Variants in WNK1 observed in about 807,000 individuals in gnomAD.
The protein encoded by WNK1 is serine/threonine-protein kinase WNK1.
A neutral mutation model predicts 222.8 loss-of-function variants in WNK1; 38 were observed. The ratio of observed to expected loss-of-function variants is 0.17; its 90% CI spans 0.13 to 0.22. The LOEUF (loss-of-function observed/expected upper bound fraction) is 0.22, where lower values mean the gene tolerates loss of function less well. Ranked by LOEUF, WNK1 falls within the 10% of genes least tolerant of loss-of-function variation. WNK1 has a pLI of 1.00. For synonymous variants in WNK1, 1,090 were observed against 1,092.9 expected, an observed-to-expected ratio of 1.00 and a Z score of 0.05; for missense variants, 2,348 against 2,918.4, an observed-to-expected ratio of 0.80 and a Z score of 4.50.
chr12:805,248 C>T (rs1397469135), intron 1 of WNK1, among the ~76,000 whole-genome samples: 3 of 152,100 alleles, frequency 2.0e-5, no homozygotes, highest in African/African-American at 2.4e-5. Flanking sequence ...CAGCAGTGCA[C>T]GAGGATTTCA....
intron 2 of WNK1, among the ~76,000 whole-genome samples, chr12:824,129 A>G (rs1365884667): frequency 6.7e-6 from 1 of 148,754 alleles, no homozygotes; most frequent in Non-Finnish European, 1.5e-5. Flanking sequence ...CTGGTCTTGA[A>G]CTCCTGACCT....
intron 1 of WNK1, among the ~76,000 whole-genome samples, chr12:800,413 C>T (rs1170330066): frequency 6.6e-6 from 1 of 151,826 alleles, no homozygotes; most frequent in Non-Finnish European, 1.5e-5. Flanking sequence ...GGTTTTTTTG[C>T]TATATGGGTG....
chr12:817,800 A>T (rs1012153613), intron 2 of WNK1, among the ~76,000 whole-genome samples: 1 of 147,924 alleles, frequency 6.8e-6, no homozygotes, highest in Non-Finnish European at 1.5e-5. Flanking sequence ...AAAAATACGA[A>T]AAATTAGCTG....
intron 22 of WNK1, among the ~76,000 whole-genome samples, 179 bp downstream of exon 22, chr12:890,692 A>G (rs1416684209): frequency 6.6e-6 from 1 of 152,248 alleles, no homozygotes; most frequent in Non-Finnish European, 1.5e-5. Context: ...ATTATTTGTC[A>G]GAGGAAAGGT....
Position 879,783 on chromosome 12 carries a change from C to T in WNK1, c.2584C>T (p.Pro862Ser). ...GGCTCAGACAGGTTTCTCATCCCTT[C>T]CCATCACAATGGCAGCTGGCATTAC... ...STAQTGFSSL[P>S]ITMAAGITQP... The change falls in exon 11 of 28, where the codon CCC becomes TCC. Residue 862 changes from proline to serine, a missense_variant. Coordinates refer to ENST00000315939, the MANE Select transcript of WNK1 (RefSeq NM_018979.4). 1 of 1,614,094 alleles carries T rather than the reference C, an allele frequency of 6.2e-7. No homozygotes were observed. The highest frequency in any genetic ancestry group is 8.5e-7 in the Non-Finnish European group (1 of 1,180,030).
At chr12:861,953 A>T (rs1592062523) in intron 7 of WNK1, 130 bp from the exon 8 acceptor site, 2 of 996,182 alleles carry the variant, frequency 2.0e-6, no homozygotes, top group Non-Finnish European at 3.0e-6. Context: ...TTTTTTATTT[A>T]GTTCAAATCT....
At chr12:795,720 T>C (rs1009787478) in intron 1 of WNK1, among the ~76,000 whole-genome samples, 10 of 152,196 alleles carry the variant, frequency 6.6e-5, no homozygotes, top group African/African-American at 2.4e-4. Flanking sequence ...TTCCATTTTA[T>C]CTAGATCATC....
At chr12:816,181 GA>G in intron 2 of WNK1, among the ~76,000 whole-genome samples, 1 of 152,246 alleles carries the variant, frequency 6.6e-6, no homozygotes, top group East Asian at 1.9e-4. Flanking sequence ...CCTGTGTGCA[GA>G]AGACTGTGGA....
At chr12:897,422 C>A in intron 24 of WNK1, 57 bp from the exon 25 acceptor site, 2 of 1,131,932 alleles carry the variant, frequency 1.8e-6, no homozygotes, top group Non-Finnish European at 2.7e-6. Context: ...GCTGTTAATT[C>A]TTGTCTGAAT....
chr12:840,793 G>A (rs1246482604), intron 4 of WNK1, among the ~76,000 whole-genome samples: 1 of 152,202 alleles, frequency 6.6e-6, no homozygotes, highest in Non-Finnish European at 1.5e-5. Flanking sequence ...CTATAAGAAT[G>A]CGTTAGCCTC....
Position 826,406 on chromosome 12 carries a change from T to C in WNK1, c.933-636T>C, listed in dbSNP as rs1448400404. ...ACTCAGTCGCCATTTCTGTCTGGGG[T>C]TTAGCAGACCTGCAGAATCAGAACA... On this transcript the variant is annotated intron_variant, in intron 2 of 27. Coordinates refer to ENST00000315939, the MANE Select transcript of WNK1 (RefSeq NM_018979.4). Among the ~76,000 whole-genome samples, 4 of 152,170 alleles carry C rather than the reference T, an allele frequency of 2.6e-5. No individual in the cohort carries two copies. In the East Asian group the frequency reaches 7.7e-4, roughly 29 times the overall value.
chr12:834,281 C>A (rs1192378525), intron 4 of WNK1, among the ~76,000 whole-genome samples: 1 of 152,180 alleles, frequency 6.6e-6, no homozygotes, highest in Non-Finnish European at 1.5e-5. Flanking sequence ...CTCCCAAATC[C>A]TGTCTCATCT....
intron 1 of WNK1, among the ~76,000 whole-genome samples, chr12:785,049 G>A (rs1327996311): frequency 6.6e-6 from 1 of 152,068 alleles, no homozygotes; most frequent in East Asian, 1.9e-4. Context: ...ATTTATTTCA[G>A]AATTTTAAAG....
intron 26 of WNK1, among the ~76,000 whole-genome samples, chr12:907,536 G>A (rs1022318822): frequency 3.3e-5 from 5 of 152,192 alleles, no homozygotes; most frequent in Non-Finnish European, 5.9e-5. Flanking sequence ...TGGGAATAGC[G>A]TACTGGCGAG....
chr12:829,902 AT>A, intron 3 of WNK1, 100 bp from the exon 4 acceptor site: 1 of 1,300,392 alleles, frequency 7.7e-7, no homozygotes, highest in South Asian at 1.2e-5. Flanking sequence ...CCCCATTCCA[AT>A]TTCTTCTCTC....
At position 911,302 on chromosome 12, in the gene WNK1, T is replaced by G; in HGVS notation, c.*2510T>G. 2.5e-6 allele frequency: 1 copy of G among 398,614 alleles called. No individual in the cohort carries two copies. Among genetic ancestry groups the G allele is most frequent in the Non-Finnish European group, 4.4e-6 (1 of 226,058 alleles). 24.7% of individuals were successfully genotyped at this position (398,614 alleles called of 1,614,324 possible). A position where few individuals can be genotyped will look rare whatever the true frequency, so the allele number is the denominator to read the frequency against. Reference sequence around the variant, plus strand: ...TAAAAATAAAAATAAAAATTCAAACTTTGGGGGTTTCTCAGCAGCCGTTAA... The same window carrying G: ...TAAAAATAAAAATAAAAATTCAAACGTTGGGGGTTTCTCAGCAGCCGTTAA... On this transcript the variant is annotated 3_prime_UTR_variant, in exon 28 of 28. Transcript: ENST00000315939.
intron 14 of WNK1, 103 bp from the exon 15 acceptor site, chr12:882,840 T>C: frequency 1.3e-6 from 1 of 778,596 alleles, no homozygotes; most frequent in Non-Finnish European, 2.3e-6. Context: ...AACACTATGC[T>C]TCCTTAGACA....
At position 894,593 on chromosome 12, in the gene WNK1, A is replaced by T; in HGVS notation, c.5541A>T (p.Ala1847=). 6.2e-7 allele frequency: 1 copy of T among 1,605,828 alleles called. No individual in the cohort carries two copies. Among genetic ancestry groups the T allele is most frequent in the Non-Finnish European group, 8.5e-7 (1 of 1,174,630 alleles). The change falls in exon 23 of 28, where the codon GCA becomes GCT. Residue 1847 remains alanine (A), a synonymous_variant. Coordinates refer to ENST00000315939, the MANE Select transcript of WNK1 (RefSeq NM_018979.4). ...AAGTCAAAGAAGGCCCTGTCCTAGC[A>T]ACTAGTTCAGGAGCTGGTGTTTTTA... ...VSQVKEGPVL[A]TSSGAGVFKM...
At chr12:842,655 G>T (rs148433372) in intron 4 of WNK1, among the ~76,000 whole-genome samples, 5 of 152,032 alleles carry the variant, frequency 3.3e-5, no homozygotes, top group African/African-American at 1.2e-4. Context: ...GTCCTTTTTT[G>T]TCAAGACCCA....
Sources: gnomAD v4.1 joint callset for allele counts (sites outside exome capture counted in the v4.1 genomes callset) on GRCh38, gnomAD v4.1.1 for gene constraint, MANE v1.5 for transcripts, NCBI Gene and HGNC (gene_info 2026-07-23, HGNC 2026-07-21) for gene names.